Variants in LMNTD1 observed in about 807,000 individuals in gnomAD.
The protein encoded by LMNTD1 is lamin tail domain containing 1.
A neutral mutation model predicts 50.9 loss-of-function variants in LMNTD1; 35 were observed. The ratio of observed to expected loss-of-function variants is 0.69; its 90% CI spans 0.53 to 0.91. LMNTD1 has a LOEUF of 0.91. Among genes scored for constraint, LMNTD1 ranks in the 40% least tolerant of loss-of-function variants. The pLI is 0.00. For missense variants in LMNTD1, 470 were observed against 475.5 expected, an observed-to-expected ratio of 0.99 and a Z score of 0.11; for synonymous variants, 153 against 161.9, an observed-to-expected ratio of 0.94 and a Z score of 0.42.
intron 1 of LMNTD1, among the ~76,000 whole-genome samples, chr12:25,598,777 T>C (rs1044565547): frequency 2.0e-5 from 3 of 151,904 alleles, no homozygotes; most frequent in Admixed American, 2.0e-4. Flanking sequence ...ACTGGACACA[T>C]GTAACCTTCC....
At chr12:25,539,261 C>G (rs1257620600) in intron 4 of LMNTD1, among the ~76,000 whole-genome samples, 2 of 150,784 alleles carry the variant, frequency 1.3e-5, no homozygotes, top group African/African-American at 4.9e-5. Context: ...CCCAAATCAA[C>G]AGAATATACA....
intron 1 of LMNTD1, among the ~76,000 whole-genome samples, chr12:25,603,924 T>C (rs548189709): frequency 6.8e-6 from 1 of 147,988 alleles, no homozygotes; most frequent in East Asian, 2.3e-4. Context: ...ATATAAGAAA[T>C]ACCAGAGACA....
chr12:25,554,445 C>T (rs1215767971), upstream of LMNTD1, among the ~76,000 whole-genome samples: 1 of 152,202 alleles, frequency 6.6e-6, no homozygotes, highest in Non-Finnish European at 1.5e-5. Flanking sequence ...TGTTTCAATA[C>T]TCATTCCCCA....
At chr12:25,626,124 T>C (rs1178620293) in intron 1 of LMNTD1, among the ~76,000 whole-genome samples, 2 of 152,186 alleles carry the variant, frequency 1.3e-5, no homozygotes, top group Non-Finnish European at 2.9e-5. Flanking sequence ...CTCTAAACTG[T>C]CTAAAACAAT....
At chr12:25,594,262 C>A (rs1945785515) in intron 1 of LMNTD1, among the ~76,000 whole-genome samples, 1 of 152,142 alleles carries the variant, frequency 6.6e-6, no homozygotes, top group African/African-American at 2.4e-5. Context: ...ACATTGTCAT[C>A]AGGTTATCTA....
At chr12:25,532,439 C>T (rs973264222) in intron 4 of LMNTD1, among the ~76,000 whole-genome samples, 1 of 152,094 alleles carries the variant, frequency 6.6e-6, no homozygotes, top group African/African-American at 2.4e-5. Flanking sequence ...AACTTTTATT[C>T]ACCCAGTCAT....
chr12:25,644,891 C>T lies in LMNTD1; in HGVS notation c.58+3603G>A, dbSNP rs568533309. 8.5e-5 allele frequency among the ~76,000 whole-genome samples: 13 copies of T among 152,176 alleles called. No individual in the cohort carries two copies. The East Asian group carries it at 1.9e-3, about 23-fold the overall frequency. ...CAGAGACTGAGGTACATAGATTTGA[C>T]GAGATGAAGGCACTCTTGTCCAATA... On this transcript the variant is annotated intron_variant, in intron 1 of 7. Coordinates refer to the LMNTD1 transcript ENST00000445693.
chr12:25,631,010 G>A (rs1340565884), intron 1 of LMNTD1, among the ~76,000 whole-genome samples: 1 of 152,176 alleles, frequency 6.6e-6, no homozygotes. Context: ...TGGGAGCTGG[G>A]TGAGGCCTGT....
chr12:25,531,460 T>C (rs1269383677), intron 4 of LMNTD1, among the ~76,000 whole-genome samples: 1 of 152,250 alleles, frequency 6.6e-6, no homozygotes, highest in Non-Finnish European at 1.5e-5. Flanking sequence ...GTTATTCTAT[T>C]TTTCTGTTGA....
chr12:25,590,591 C>A (rs1169593598), intron 1 of LMNTD1, among the ~76,000 whole-genome samples: 1 of 152,232 alleles, frequency 6.6e-6, no homozygotes, highest in Non-Finnish European at 1.5e-5. Flanking sequence ...GTGCTAGCAT[C>A]AACCCTTCCT....
chr12:25,519,958 A>G lies in LMNTD1; in HGVS notation c.916T>C (p.Trp306Arg). The change falls in exon 7 of 10, where the codon TGG (tryptophan) becomes CGG (arginine). Residue 306 changes from tryptophan to arginine, a missense_variant. Physicochemically the swap from Trp to Arg is moderately radical, Grantham distance 101. Coordinates refer to ENST00000458174, the MANE Select transcript of LMNTD1 (RefSeq NM_001145728.2). ...SPTFRKRVFQ[W>R]TASTATITKE... is the part of the protein sequence containing the mutation. ...GTTATTGTAGCTGTAGATGCTGTCCACTGAAACACACGCTTTCGGAATGTT... is the reference window on the plus strand; with the variant it reads ...GTTATTGTAGCTGTAGATGCTGTCCGCTGAAACACACGCTTTCGGAATGTT... The G allele has an allele frequency of 6.2e-7, 1 of 1,613,164 alleles. No individual in the cohort carries two copies.
At position 25,625,491 on chromosome 12, in the gene LMNTD1, T is replaced by C. The variant is rs141991338; in HGVS notation, c.58+23003A>G. Among the ~76,000 whole-genome samples the C allele has an allele frequency of 3.8e-3, 574 of 152,240 alleles. 1 individual carries two copies. The highest frequency in any genetic ancestry group is 0.013 in the African/African-American group (533 of 41,542). The stretch of plus-strand genomic sequence containing the variant: ...GGCCTATGTTTCTATATCTATGATG[T>C]CAGGGTGGTCACTGAACAATCATGG... On this transcript the variant is annotated intron_variant, in intron 1 of 7. Transcript: ENST00000445693.
At chr12:25,529,681 C>T (rs1942087801) in intron 4 of LMNTD1, among the ~76,000 whole-genome samples, 1 of 152,154 alleles carries the variant, frequency 6.6e-6, no homozygotes, top group African/African-American at 2.4e-5. Context: ...TAACTATTAT[C>T]CTCAGTCTTA....
chr12:25,576,509 A>G (rs1161380257), intron 1 of LMNTD1, among the ~76,000 whole-genome samples: 3 of 152,164 alleles, frequency 2.0e-5, no homozygotes, highest in African/African-American at 7.2e-5. Flanking sequence ...GTGTCTGTTC[A>G]TATCATTTGC....
At chr12:25,606,751 T>A (rs1188523850) in intron 1 of LMNTD1, among the ~76,000 whole-genome samples, 1 of 152,204 alleles carries the variant, frequency 6.6e-6, no homozygotes, top group African/African-American at 2.4e-5. Flanking sequence ...TTATTGAGGA[T>A]TTTTGCATCA....
At chr12:25,494,678 TC>T (rs1206186693) in intron 9 of LMNTD1, among the ~76,000 whole-genome samples, 5 of 152,106 alleles carry the variant, frequency 3.3e-5, no homozygotes, top group African/African-American at 1.2e-4. Flanking sequence ...ATTATTTTTT[TC>T]CCCCAGCTTT....
At chr12:25,540,689 C>T (rs1226208254) in intron 4 of LMNTD1, among the ~76,000 whole-genome samples, 3 of 143,110 alleles carry the variant, frequency 2.1e-5, no homozygotes, top group South Asian at 2.4e-4. Flanking sequence ...CCTCTCTCAC[C>T]GCTCCTATTC....
exon 1 of LMNTD1, chr12:25,648,519 A>G (rs776576309): frequency 6.4e-7 from 1 of 1,551,724 alleles, no homozygotes; most frequent in South Asian, 1.2e-5. Flanking sequence ...CTCTGGAAAC[A>G]CCGATGTCTC....
intron 9 of LMNTD1, chr12:25,500,121 T>C (rs969572588): frequency 6.6e-6 from 1 of 152,164 alleles, no homozygotes; most frequent in Admixed American, 6.5e-5. Context: ...AATTGATAGA[T>C]CAGCTTGGGG....
Sources: allele counts gnomAD v4.1 joint callset (sites outside exome capture counted in the v4.1 genomes callset), GRCh38; gene constraint gnomAD v4.1.1; transcripts MANE v1.5; gene names NCBI Gene and HGNC (gene_info 2026-07-23, HGNC 2026-07-21).